TET1: variants seen among roughly 807,000 people sequenced by gnomAD.
The protein encoded by TET1 is methylcytosine dioxygenase TET1.
A neutral mutation model predicts 148.7 loss-of-function variants in TET1; 13 were observed. The ratio of observed to expected loss-of-function variants is 0.09; its 90% CI spans 0.06 to 0.14. The LOEUF is 0.14. Among genes scored for constraint, TET1 ranks in the 10% least tolerant of loss-of-function variants. TET1 has a pLI of 1.00. For synonymous variants in TET1, 907 were observed against 937.2 expected (o/e 0.97, Z 0.59); for missense variants, 2,182 against 2,553.8 (o/e 0.85, Z 3.14).
intron 3 of TET1, among the ~76,000 whole-genome samples, chr10:68,637,539 T>TTTTTTTTTTTTTTTTC (rs2054672119): frequency 6.8e-5 from 10 of 148,018 alleles, no homozygotes; most frequent in African/African-American, 2.5e-4. Context: ...TTTTTTTTTT[T>TTTTTTTTTTTTTTTTC]AAGAGACAGA....
At chr10:68,630,377 T>A (rs12772903) in intron 3 of TET1, among the ~76,000 whole-genome samples, 20,509 of 152,204 alleles carry the variant, frequency 0.13, 1,788 homozygotes, top group South Asian at 0.24. Flanking sequence ...AGTGGTGCTA[T>A]TTTGGCTCAC....
At chr10:68,684,440 A>G (rs941253450) in intron 10 of TET1, among the ~76,000 whole-genome samples, 38 of 151,476 alleles carry the variant, frequency 2.5e-4, no homozygotes, top group African/African-American at 7.8e-4. Flanking sequence ...TTTGAGACCA[A>G]TGTTATTTCT....
At chr10:68,628,238 C>A (rs917522053) in intron 3 of TET1, among the ~76,000 whole-genome samples, 1 of 152,184 alleles carries the variant, frequency 6.6e-6, no homozygotes, top group African/African-American at 2.4e-5. Context: ...TGAGCCACTG[C>A]CCCCGGCCGA....
At chr10:68,653,865 G>C (rs146490465) in intron 6 of TET1, among the ~76,000 whole-genome samples, 1,956 of 152,216 alleles carry the variant, frequency 0.013, 39 homozygotes, top group African/African-American at 0.044. Context: ...CTAACACTTT[G>C]GGAGGCCGAG....
chr10:68,602,799 A>T (rs1450220092), intron 3 of TET1, among the ~76,000 whole-genome samples: 1 of 152,200 alleles, frequency 6.6e-6, no homozygotes, highest in Non-Finnish European at 1.5e-5. Flanking sequence ...AAGAGCAGGA[A>T]AATATTCTAA....
chr10:68,577,959 A>G lies in TET1; in HGVS notation c.1914+3707A>G, dbSNP rs185907503. ...GCACCATTGCATACCAGCTTCAGTG[A>G]CAGAGCCTGACCCTGTCTCAATAAA... On this transcript the variant is annotated intron_variant, in intron 2 of 11. Coordinates refer to ENST00000373644, the MANE Select transcript of TET1 (RefSeq NM_030625.3). Among the ~76,000 whole-genome samples, 346 of 152,292 alleles carry G rather than the reference A, an allele frequency of 2.3e-3. 3 individuals are homozygous for G. The highest frequency in any genetic ancestry group is 7.7e-3 in the African/African-American group (318 of 41,554).
intron 6 of TET1, among the ~76,000 whole-genome samples, chr10:68,657,211 C>G (rs1275485470): frequency 2.6e-5 from 4 of 151,918 alleles, no homozygotes; most frequent in Non-Finnish European, 5.9e-5. Context: ...GAGCCTCGCT[C>G]TGTCGCCCAG....
At chr10:68,563,629 G>A (rs1240218778) in intron 1 of TET1, among the ~76,000 whole-genome samples, 1 of 152,216 alleles carries the variant, frequency 6.6e-6, no homozygotes, top group Non-Finnish European at 1.5e-5. Flanking sequence ...TCCAGAAAAA[G>A]GACGGATATA....
chr10:68,674,832 C>T, intron 8 of TET1: 1 of 465,540 alleles, frequency 2.1e-6, no homozygotes, highest in Non-Finnish European at 4.1e-6. Flanking sequence ...GAAATCATGA[C>T]CCGAGAGGTG....
At chr10:68,615,706 T>C (rs2132944677) in intron 3 of TET1, among the ~76,000 whole-genome samples, 1 of 152,210 alleles carries the variant, frequency 6.6e-6, no homozygotes, top group East Asian at 1.9e-4. Context: ...TTGTCCAGGC[T>C]GGAGTGCAAT....
chr10:68,618,370 C>T (rs1411476000), intron 3 of TET1, among the ~76,000 whole-genome samples: 1 of 152,148 alleles, frequency 6.6e-6, no homozygotes, highest in Non-Finnish European at 1.5e-5. Flanking sequence ...GCTAACTAGG[C>T]ATAGAATTCC....
chr10:68,682,093 C>T (rs1449949391), intron 9 of TET1, among the ~76,000 whole-genome samples: 2 of 67,070 alleles, frequency 3.0e-5, no homozygotes, highest in East Asian at 5.4e-4. Flanking sequence ...TTGATCTACT[C>T]TTTTTTTTTT....
At chr10:68,664,972 A>G (rs1361730709) in intron 6 of TET1, among the ~76,000 whole-genome samples, 2 of 151,744 alleles carry the variant, frequency 1.3e-5, no homozygotes, top group Admixed American at 6.6e-5. Flanking sequence ...GAGTCTCAGT[A>G]TGTTGCTCAG....
chr10:68,672,167 A>G (rs1475852356), intron 7 of TET1, among the ~76,000 whole-genome samples: 3 of 152,220 alleles, frequency 2.0e-5, no homozygotes, highest in Middle Eastern at 6.8e-3. Context: ...TTCATTTGTG[A>G]TATGGAACAA....
At chr10:68,627,891 G>A (rs1465253380) in intron 3 of TET1, among the ~76,000 whole-genome samples, 1 of 151,952 alleles carries the variant, frequency 6.6e-6, no homozygotes, top group South Asian at 2.1e-4. Flanking sequence ...AGCTGAGATC[G>A]CACCACTGCA....
Position 68,667,244 on chromosome 10 carries a change from C to A in TET1, c.4661C>A (p.Thr1554Asn), listed in dbSNP as rs770375775. ...GGGCACCCTACCGACAGAAGATGCA[C>A]CCTCAATGAAAAGTAATTAAATCTG... The part of the protein sequence containing the change: ...YNGHPTDRRC[T>N]LNENRTCTCQ... Residue 1554 changes from threonine (T) to asparagine (N), a missense_variant, in exon 7 of 12, where the codon ACC becomes AAC. Transcript: ENST00000373644. 7 of 1,612,402 alleles carry A rather than the reference C, an allele frequency of 4.3e-6. No individual in the cohort carries two copies. The highest frequency in any genetic ancestry group is 1.1e-5 in the South Asian group (1 of 90,782).
intron 3 of TET1, among the ~76,000 whole-genome samples, chr10:68,634,810 T>A (rs35875474): frequency 2.0e-5 from 3 of 151,842 alleles, no homozygotes; most frequent in Admixed American, 6.6e-5. Flanking sequence ...TGTCGCCCAG[T>A]CTGGAGTGCG....
intron 10 of TET1, among the ~76,000 whole-genome samples, chr10:68,685,793 T>A (rs1382607925): frequency 6.6e-6 from 1 of 152,122 alleles, no homozygotes. Context: ...TTGATATGGC[T>A]CCTCACTGGA....
intron 3 of TET1, 54 bp from the exon 4 acceptor site, chr10:68,644,644 G>T: frequency 6.8e-7 from 1 of 1,467,348 alleles, no homozygotes; most frequent in Non-Finnish European, 9.1e-7. Flanking sequence ...AATCTTCTAT[G>T]GCTGTTATTC....
Sources: allele counts gnomAD v4.1 joint callset (sites outside exome capture counted in the v4.1 genomes callset), GRCh38; gene constraint gnomAD v4.1.1; transcripts MANE v1.5; gene names NCBI Gene and HGNC (gene_info 2026-07-23, HGNC 2026-07-21).